The following RARB variants were observed in gnomAD, a reference collection of about 807,000 sequenced individuals.
The protein encoded by RARB is HBV-activated protein.
In RARB, 17 loss-of-function variants were observed where a neutral mutation model predicts 51.9. That is an observed-to-expected ratio of 0.33 (90% CI 0.22 to 0.49). The LOEUF is 0.49. Ranked by LOEUF, RARB falls within the 20% of genes least tolerant of loss-of-function variation. The pLI is 0.99. For synonymous variants in RARB, 215 were observed against 195.4 expected (o/e 1.10, Z -0.84); for missense variants, 369 against 550.8 (o/e 0.67, Z 3.30).
chr3:24,871,788 G>A (rs1312173565), intron 2 of RARB, among the ~76,000 whole-genome samples: 1 of 151,978 alleles, frequency 6.6e-6, no homozygotes, highest in African/African-American at 2.4e-5. Context: ...TTCTGTTATT[G>A]GTGACTTTAT....
At chr3:25,276,694 G>A (rs1243968019) in intron 5 of RARB, among the ~76,000 whole-genome samples, 1 of 152,106 alleles carries the variant, frequency 6.6e-6, no homozygotes, top group Admixed American at 6.5e-5. Flanking sequence ...GCATAGGAAA[G>A]GCCTAAAGAA....
At chr3:25,298,427 G>A (rs532986468) in intron 5 of RARB, among the ~76,000 whole-genome samples, 1 of 152,248 alleles carries the variant, frequency 6.6e-6, no homozygotes, top group East Asian at 1.9e-4. Flanking sequence ...TGACCCACCT[G>A]CCTTGGCCTC....
chr3:25,024,141 C>A (rs1017383883), intron 2 of RARB, among the ~76,000 whole-genome samples: 2 of 152,136 alleles, frequency 1.3e-5, no homozygotes, highest in Admixed American at 6.6e-5. Context: ...CCCTGAGTCT[C>A]AAATTAGAAA....
chr3:25,284,793 T>A (rs556314888), intron 5 of RARB, among the ~76,000 whole-genome samples: 2 of 152,068 alleles, frequency 1.3e-5, no homozygotes, highest in Non-Finnish European at 2.9e-5. Flanking sequence ...CAAACACAAA[T>A]CAAAAACACA....
At chr3:25,255,492 C>A (rs1202719499) in intron 5 of RARB, among the ~76,000 whole-genome samples, 1 of 152,124 alleles carries the variant, frequency 6.6e-6, no homozygotes, top group Non-Finnish European at 1.5e-5. Context: ...AATTGAGCTT[C>A]GAGTTTGAAG....
chr3:24,937,680 C>T (rs1032386069), intron 2 of RARB, among the ~76,000 whole-genome samples: 5 of 152,102 alleles, frequency 3.3e-5, no homozygotes, highest in African/African-American at 1.2e-4. Flanking sequence ...AGCATCAAAA[C>T]ATTTATTCAG....
intron 2 of RARB, among the ~76,000 whole-genome samples, chr3:24,977,047 G>A (rs537834679): frequency 6.6e-6 from 1 of 152,186 alleles, no homozygotes; most frequent in South Asian, 2.1e-4. Flanking sequence ...TTTTTGTCAG[G>A]TTTGTCAAAG....
chr3:25,082,595 C>A (rs1699028824), intron 3 of RARB, among the ~76,000 whole-genome samples: 1 of 152,010 alleles, frequency 6.6e-6, no homozygotes, highest in African/African-American at 2.4e-5. Flanking sequence ...TCTCTAATGT[C>A]TTTTACCTTT....
At chr3:25,430,704 A>C (rs1420950335) in intron 1 of RARB, among the ~76,000 whole-genome samples, 2 of 152,212 alleles carry the variant, frequency 1.3e-5, no homozygotes, top group African/African-American at 4.8e-5. Flanking sequence ...TGATAACAGC[A>C]AAGTTTAGCT....
At position 25,420,593 on chromosome 3, in the gene RARB, G is replaced by T. The variant is rs141020306; in HGVS notation, c.179-40600G>T. Among the ~76,000 whole-genome samples, 62 of 152,298 alleles carry T rather than the reference G, an allele frequency of 4.1e-4. 1 individual carries two copies. Among genetic ancestry groups the T allele is most frequent in the African/African-American group, 1.4e-3 (60 of 41,566 alleles). ...TCAAGGATTCTAGAGAAAGATACATGCATGATCTGAGAAGTTTTACTTTTG... is the reference window on the plus strand; with the variant it reads ...TCAAGGATTCTAGAGAAAGATACATTCATGATCTGAGAAGTTTTACTTTTG... On this transcript the variant is annotated intron_variant, in intron 5 of 11. Transcript: ENST00000383772.
chr3:25,434,540 T>C lies in RARB; in HGVS notation c.157+5652T>C, dbSNP rs1708346680. Among the ~76,000 whole-genome samples, 3 of 135,852 alleles carry C rather than the reference T, an allele frequency of 2.2e-5. No individual in the cohort carries two copies. In the South Asian group the frequency reaches 7.4e-4, roughly 34 times the overall value. The allele number at this position is 135,852 out of a possible 152,430, so 89.1% of individuals were successfully genotyped here. On this transcript the variant is annotated intron_variant, in intron 1 of 7. Transcript: ENST00000330688. ...AATCCTTGGTACTCCTTTTTTTTTT[T>C]TTTTTCTTTTTTTTTTTTTGAGATG...
chr3:25,190,604 C>T (rs1575207198), intron 5 of RARB, among the ~76,000 whole-genome samples: 1 of 152,018 alleles, frequency 6.6e-6, no homozygotes. Context: ...AAAGAGACTG[C>T]CAGGTGATTC....
intron 3 of RARB, among the ~76,000 whole-genome samples, chr3:25,539,231 A>G (rs116804009): frequency 6.6e-6 from 1 of 152,226 alleles, no homozygotes; most frequent in East Asian, 1.9e-4. Flanking sequence ...CCTCTGGCAG[A>G]CACATCAGTT....
At chr3:24,893,396 G>A (rs115663997) in intron 2 of RARB, among the ~76,000 whole-genome samples, 3 of 152,216 alleles carry the variant, frequency 2.0e-5, no homozygotes, top group Admixed American at 1.3e-4. Flanking sequence ...GACATTGACA[G>A]CTTTAATTTT....
At chr3:25,375,109 A>G (rs1706419770) in intron 5 of RARB, among the ~76,000 whole-genome samples, 2 of 152,352 alleles carry the variant, frequency 1.3e-5, no homozygotes, top group East Asian at 3.9e-4. Flanking sequence ...GCTAGCCACC[A>G]AAACTGTGTT....
rs1699007319 is a variant in RARB at position 25,081,701 on chromosome 3, T to G, written c.-328+21525T>G. 2.2e-5 allele frequency among the ~76,000 whole-genome samples: 3 copies of G among 134,248 alleles called. No individual in the cohort carries two copies. The South Asian group carries it at 8.1e-4, about 36-fold the overall frequency. The allele number at this position is 134,248 out of a possible 152,430, so 88.1% of individuals were successfully genotyped here. On this transcript the variant is annotated intron_variant, in intron 3 of 11. Transcript: ENST00000383772. ...AGGTTGGAGTGCAGTGGCTCAATCT[T>G]GGCTCACTGCAACCTCCACCTTCCG...
rs146572308 is a variant in RARB, at chr3:25,475,885, G to A, written c.306+14544G>A. ...CCCATTTTAGTTATGGTAAGGCCAG[G>A]TTATGCTGCAGGAACAAACTCAAAA... On this transcript the variant is annotated intron_variant, in intron 2 of 7. Transcript: ENST00000330688. Among the ~76,000 whole-genome samples, 870 of 152,316 alleles carry A rather than the reference G, an allele frequency of 5.7e-3. 14 individuals are homozygous for A. Among genetic ancestry groups the A allele is most frequent in the African/African-American group, 0.02 (818 of 41,560 alleles).
At chr3:25,002,474 G>T (rs1697182680) in intron 2 of RARB, among the ~76,000 whole-genome samples, 1 of 152,110 alleles carries the variant, frequency 6.6e-6, no homozygotes, top group South Asian at 2.1e-4. Flanking sequence ...AGGTCAAAAT[G>T]CCCTGCAGAG....
chr3:24,899,141 A>G (rs141613743), intron 2 of RARB, among the ~76,000 whole-genome samples: 22 of 152,332 alleles, frequency 1.4e-4, no homozygotes, highest in East Asian at 1.3e-3. Flanking sequence ...CTGGTGCACA[A>G]TGAAAATGTA....
Sources: gnomAD v4.1 joint callset for allele counts (sites outside exome capture counted in the v4.1 genomes callset) on GRCh38, gnomAD v4.1.1 for gene constraint, MANE v1.5 for transcripts, NCBI Gene and HGNC (gene_info 2026-07-23, HGNC 2026-07-21) for gene names.